Variants in TCFL5 observed in about 807,000 individuals in gnomAD.
TCFL5 encodes the protein transcription factor-like 5 protein.
Under a neutral mutation model 44.3 loss-of-function variants are expected in TCFL5, and 9 were observed. The observed-to-expected ratio is 0.20, with a 90% CI of 0.12 to 0.35. The LOEUF is 0.35. TCFL5 is among the 10% of genes least tolerant of loss of function. The pLI is 1.00. For synonymous variants in TCFL5, 319 were observed against 271.6 expected (o/e 1.17, Z -1.72); for missense variants, 603 against 613.4 (o/e 0.98, Z 0.18).
chr20:62,857,807 A>C (rs1246754469), intron 3 of TCFL5, among the ~76,000 whole-genome samples, 169 bp from the exon 4 acceptor site: 1 of 152,194 alleles, frequency 6.6e-6, no homozygotes, highest in Non-Finnish European at 1.5e-5. Flanking sequence ...ATCAGCAGGG[A>C]CCATGAAGCC....
At chr20:62,849,331 G>T (rs138728670) in intron 5 of TCFL5, among the ~76,000 whole-genome samples, 4 of 152,252 alleles carry the variant, frequency 2.6e-5, no homozygotes, top group South Asian at 2.1e-4. Context: ...CAATTTTTCT[G>T]TAAGTTTGAA....
chr20:62,845,046 C>T (rs2063723642), intron 5 of TCFL5: 1 of 986,126 alleles, frequency 1.0e-6, no homozygotes, highest in Non-Finnish European at 1.2e-6. Context: ...ACTTTCCAAC[C>T]AAGCAAGCTG....
intron 5 of TCFL5, among the ~76,000 whole-genome samples, chr20:62,849,475 G>A (rs775510814): frequency 6.6e-6 from 1 of 152,166 alleles, no homozygotes; most frequent in Non-Finnish European, 1.5e-5. Context: ...GGGGATTCTT[G>A]TAGCTCAAAG....
Position 62,861,587 on chromosome 20 carries a change from C to A in TCFL5, c.84G>T (p.Gly28=). 9.5e-7 allele frequency: 1 copy of A among 1,057,602 alleles called. No homozygotes were observed. The highest frequency in any genetic ancestry group is 4.0e-5 in the South Asian group (1 of 24,972). 65.5% of individuals were successfully genotyped at this position (1,057,602 alleles called of 1,614,324 possible). ...GCCCCGGCTCGCCCAGCGCCGCGTC[C>A]CCGCCGCCCGCGCCCTCGACGGCCG... ...GEAAVEGAGG[G]DAALGEPGLS... Residue 28 remains glycine (G), a synonymous_variant, in exon 1 of 6, where the codon GGG becomes GGT. Transcript: ENST00000335351. This position sits in a 1 kb window ranked among gnomAD's most constrained non-coding sequence, Gnocchi z 4.0.
intron 5 of TCFL5, chr20:62,844,995 C>T (rs2147245725): frequency 2.0e-6 from 2 of 985,938 alleles, no homozygotes; most frequent in Non-Finnish European, 1.2e-6. Flanking sequence ...TTCTGAACCA[C>T]CTGGAGTGAC....
At chr20:62,845,665 T>C (rs1438207962) in intron 5 of TCFL5, 6 of 1,606,380 alleles carry the variant, frequency 3.7e-6, no homozygotes, top group African/African-American at 1.3e-5. Flanking sequence ...CCGCTGACCA[T>C]GGCAGTATTT....
chr20:62,843,830 C>T (rs1042259499), intron 5 of TCFL5, among the ~76,000 whole-genome samples: 1 of 152,210 alleles, frequency 6.6e-6, no homozygotes. Flanking sequence ...GCCTTGTTTA[C>T]GGAATCCCGC....
At position 62,841,778 on chromosome 20, in the gene TCFL5, A is replaced by ACATT; in HGVS notation, c.*193_*196dup. ...CTTCATCCCCAAATGGTCTAAGAGG[A>ACATT]CATTCATGGATAAGCATTTGCGTCT... On this transcript the variant is annotated 3_prime_UTR_variant, in exon 6 of 6. Coordinates refer to ENST00000335351, the MANE Select transcript of TCFL5 (RefSeq NM_006602.4). 1 of 504,006 alleles carries ACATT rather than the reference A, an allele frequency of 2.0e-6. No individual in the cohort carries two copies. Among genetic ancestry groups the ACATT allele is most frequent in the Non-Finnish European group, 3.3e-6 (1 of 301,422 alleles). 31.2% of individuals were successfully genotyped at this position (504,006 alleles called of 1,614,324 possible). A position where few individuals can be genotyped will look rare whatever the true frequency, so the allele number is the denominator to read the frequency against.
chr20:62,859,573 TCTC>T (rs763920097), intron 2 of TCFL5, 47 bp from the exon 3 acceptor site: 13 of 1,564,154 alleles, frequency 8.3e-6, no homozygotes, highest in African/African-American at 5.5e-5. Context: ...TGTGGCTTAC[TCTC>T]CTCTTTACTG....
At chr20:62,849,405 T>C (rs1316446754) in intron 5 of TCFL5, among the ~76,000 whole-genome samples, 2 of 152,174 alleles carry the variant, frequency 1.3e-5, no homozygotes, top group African/African-American at 4.8e-5. Flanking sequence ...ATGTGGGGCA[T>C]TCTCTAGACA....
chr20:62,860,641 C>T (rs2063982381), intron 1 of TCFL5, among the ~76,000 whole-genome samples: 1 of 152,244 alleles, frequency 6.6e-6, no homozygotes, highest in Non-Finnish European at 1.5e-5. Context: ...CTGAGGGTCG[C>T]CAAGGGGGCG....
chr20:62,854,010 A>AGAGAAT lies in TCFL5; in HGVS notation c.1380+5_1380+6insATTCTC. The AGAGAAT allele has an allele frequency of 1.2e-6, 2 of 1,613,684 alleles. No individual in the cohort carries two copies. The highest frequency in any genetic ancestry group is 4.5e-5 in the East Asian group (2 of 44,884). Reference sequence around the variant, plus strand: ...ATTCTGAAAATCTACCTGGCCTACCACTAACCTTTTTAAGAGAATCTCCAT... The same window carrying AGAGAAT: ...ATTCTGAAAATCTACCTGGCCTACCAGAGAATCTAACCTTTTTAAGAGAATCTCCAT... On this transcript the variant is annotated splice_donor_region_variant and intron_variant, in intron 5 of 5. Transcript: ENST00000335351.
chr20:62,850,356 C>T (rs1331195152), intron 5 of TCFL5, among the ~76,000 whole-genome samples: 2 of 152,042 alleles, frequency 1.3e-5, no homozygotes, highest in Non-Finnish European at 2.9e-5. Context: ...CCCTGCCTCC[C>T]GATGTCCCCA....
Position 62,861,444 on chromosome 20 carries a change from C to T in TCFL5, c.227G>A (p.Arg76His), listed in dbSNP as rs374615157. ...CGCCGCCAGCAGCGCCGAGTTGAGG[C>T]GCGTCTCGAGCTCGCCGTCAGCCGC... ...EAAADGELET[R>H]LNSALLAAAG... is the part of the protein sequence containing the mutation. The change falls in exon 1 of 6, where the codon CGC (arginine) becomes CAC (histidine). Residue 76 changes from arginine (R) to histidine (H), a missense_variant. Physicochemically the swap from Arg to His is conservative, Grantham distance 29 (BLOSUM62 0). This residue lies in a region of TCFL5 where 540 missense variants were observed against 478.7 expected (regional missense o/e 1.13). Transcript: ENST00000335351. This position sits in a 1 kb window ranked among gnomAD's most constrained non-coding sequence, Gnocchi z 4.0. 1.2e-5 allele frequency: 14 copies of T among 1,169,528 alleles called. No individual in the cohort carries two copies. Among genetic ancestry groups the T allele is most frequent in the South Asian group, 2.9e-5 (1 of 34,262 alleles). 72.4% of individuals were successfully genotyped at this position (1,169,528 alleles called of 1,614,324 possible).
intron 5 of TCFL5, chr20:62,851,778 G>A: frequency 1.0e-6 from 1 of 985,390 alleles, no homozygotes; most frequent in South Asian, 4.7e-5. Context: ...CCCAGCTGCG[G>A]GGACCTCTCT....
chr20:62,853,137 C>T (rs68087437), intron 5 of TCFL5, among the ~76,000 whole-genome samples: 38,677 of 147,434 alleles, frequency 0.26, 5,199 homozygotes, highest in Middle Eastern at 0.32. Context: ...TACAGTCACC[C>T]GGTCCACAGT....
At position 62,842,492 on chromosome 20, in the gene TCFL5, C is replaced by T. The variant is rs1253169949; in HGVS notation, c.1381-395G>A. 1.3e-5 allele frequency among the ~76,000 whole-genome samples: 2 copies of T among 152,128 alleles called. No individual in the cohort carries two copies. Among genetic ancestry groups the T allele is most frequent in the East Asian group, 1.9e-4 (1 of 5,182 alleles). On this transcript the variant is annotated intron_variant, in intron 5 of 5. Transcript: ENST00000335351. This position sits in a 1 kb window ranked among gnomAD's most constrained non-coding sequence, Gnocchi z 4.3. The stretch of plus-strand genomic sequence containing the variant: ...TTAAAACGTTTCAGGCCGGGCGTGG[C>T]GGCTCACGCCTATAATCCCAGCACT...
At chr20:62,844,365 G>A (rs1357347372) in intron 5 of TCFL5, among the ~76,000 whole-genome samples, 1 of 152,140 alleles carries the variant, frequency 6.6e-6, no homozygotes, top group African/African-American at 2.4e-5. Context: ...TTGGCCATCT[G>A]TGTATCTTCT....
Position 62,842,483 on chromosome 20 carries a change from C to T in TCFL5, c.1381-386G>A, listed in dbSNP as rs778484597. Among the ~76,000 whole-genome samples, 11 of 152,284 alleles carry T rather than the reference C, an allele frequency of 7.2e-5. 1 individual carries two copies. The East Asian group carries it at 7.7e-4, about 11-fold the overall frequency. ...GTGTATATATTAAAACGTTTCAGGC[C>T]GGGCGTGGCGGCTCACGCCTATAAT... On this transcript the variant is annotated intron_variant, in intron 5 of 5. Coordinates refer to ENST00000335351, the MANE Select transcript of TCFL5 (RefSeq NM_006602.4). This position sits in a 1 kb window ranked among gnomAD's most constrained non-coding sequence, Gnocchi z 4.3.
Sources: allele counts gnomAD v4.1 joint callset (sites outside exome capture counted in the v4.1 genomes callset), GRCh38; gene constraint gnomAD v4.1.1; regional missense constraint gnomAD v4.1.1; non-coding constraint Gnocchi (gnomAD v3.1); transcripts MANE v1.5; gene names NCBI Gene and HGNC (gene_info 2026-07-23, HGNC 2026-07-21).